The following D2HGDH variants were observed in gnomAD, a reference collection of about 807,000 sequenced individuals.
The protein encoded by D2HGDH is D-2-hydroxyglutarate dehydrogenase, mitochondrial.
A neutral mutation model predicts 46.9 loss-of-function variants in D2HGDH; 31 were observed. That is an observed-to-expected ratio of 0.66 (90% confidence interval 0.50 to 0.89). D2HGDH has a LOEUF of 0.89. Among genes scored for constraint, D2HGDH ranks in the 40% least tolerant of loss-of-function variants. The pLI, the probability that D2HGDH is intolerant of heterozygous loss-of-function variation, is 0.00. For synonymous variants in D2HGDH, 364 were observed against 332.6 expected (o/e 1.09, Z -1.03); for missense variants, 698 against 720.8 (o/e 0.97, Z 0.36).
chr2:241,754,856 G>T (rs1697907516), intron 8 of D2HGDH: 1 of 447,886 alleles, frequency 2.2e-6, no homozygotes, highest in African/African-American at 2.1e-5. Flanking sequence ...TCCTGCCTCA[G>T]CCTCCCAAAG....
chr2:241,755,391 G>C, intron 8 of D2HGDH: 5 of 1,304,852 alleles, frequency 3.8e-6, no homozygotes, highest in Non-Finnish European at 5.1e-6. Flanking sequence ...CCCCACCCTG[G>C]TTCAGGGAGC....
intron 9 of D2HGDH, among the ~76,000 whole-genome samples, chr2:241,760,011 G>A (rs531543093): frequency 6.6e-6 from 1 of 151,124 alleles, no homozygotes; most frequent in East Asian, 2.0e-4. Flanking sequence ...CACAGTGTGG[G>A]TGGGCCTTAC....
chr2:241,734,853 A>AAC (rs78312666), intron 1 of D2HGDH, 158 bp downstream of exon 1: 3 of 216,024 alleles, frequency 1.4e-5, no homozygotes, highest in East Asian at 2.0e-4. Flanking sequence ...GACCGCGTGG[A>AAC]ACACGCGCGC....
Position 241,744,759 on chromosome 2 carries a change from C to T in D2HGDH, c.735C>T (p.Asp245=), listed in dbSNP as rs763133453. The T allele has an allele frequency of 6.2e-7, 1 of 1,614,256 alleles. No individual in the cohort carries two copies. Among genetic ancestry groups the T allele is most frequent in the Non-Finnish European group, 8.5e-7 (1 of 1,180,052 alleles). The change falls in exon 6 of 10, where the codon GAC becomes GAT. Residue 245 remains aspartate (D), a synonymous_variant. Transcript: ENST00000321264. The part of the protein sequence containing the change: ...VLDCLTSLRK[D]NTGYDLKQLF... Reference sequence around the variant, plus strand: ...ACTGCCTGACCTCCCTGAGGAAGGACAACACGGGCTATGACCTGAAGCAGC... The same window carrying T: ...ACTGCCTGACCTCCCTGAGGAAGGATAACACGGGCTATGACCTGAAGCAGC...
At chr2:241,734,861 C>T (rs1559332345) in intron 1 of D2HGDH, 166 bp downstream of exon 1, 2 of 224,794 alleles carry the variant, frequency 8.9e-6, no homozygotes, top group Non-Finnish European at 1.7e-5. Flanking sequence ...GGAACACGCG[C>T]GCGCGTCCGC....
At position 241,751,280 on chromosome 2, in the gene D2HGDH, C is replaced by T. The variant is rs780641366; in HGVS notation, c.1032C>T (p.Gly344=). 6.2e-7 allele frequency: 1 copy of T among 1,614,036 alleles called. No homozygotes were observed. Among genetic ancestry groups the T allele is most frequent in the South Asian group, 1.1e-5 (1 of 91,084 alleles). ...TTTACGTCCTCATCGAGACTTCAGG[C>T]TCCAACGCAGGCCATGACGCTGAGA... ...SPFYVLIETS[G]SNAGHDAEKL... Residue 344 remains glycine, a synonymous_variant, in exon 8 of 10, where the codon GGC becomes GGT. Coordinates refer to ENST00000321264, the MANE Select transcript of D2HGDH (RefSeq NM_152783.5).
chr2:241,763,194 T>C (rs143410548), intron 9 of D2HGDH, among the ~76,000 whole-genome samples: 95 of 152,298 alleles, frequency 6.2e-4, no homozygotes, highest in Non-Finnish European at 1.1e-3. Context: ...TCCTGAGAAA[T>C]GTGTCATTAG....
At chr2:241,740,731 G>T (rs1310713584) in intron 2 of D2HGDH, among the ~76,000 whole-genome samples, 1 of 152,188 alleles carries the variant, frequency 6.6e-6, no homozygotes, top group African/African-American at 2.4e-5. Context: ...CGGATCACGA[G>T]GTCAGGAGTT....
chr2:241,738,433 C>T (rs1053927252), intron 2 of D2HGDH, among the ~76,000 whole-genome samples: 1 of 152,254 alleles, frequency 6.6e-6, no homozygotes, highest in Non-Finnish European at 1.5e-5. Context: ...GGGCAGGAAC[C>T]TAGCGTGAGC....
At chr2:241,751,441 T>G (rs1697184779) in intron 8 of D2HGDH, 53 bp downstream of exon 8, 1 of 1,606,554 alleles carries the variant, frequency 6.2e-7, no homozygotes, top group Non-Finnish European at 8.5e-7. Context: ...CAGTCCAGCC[T>G]TGTCTTGGGA....
intron 2 of D2HGDH, among the ~76,000 whole-genome samples, chr2:241,739,091 G>GCGGC (rs1419348290): frequency 6.6e-6 from 1 of 152,208 alleles, no homozygotes; most frequent in African/African-American, 2.4e-5. Context: ...GTCACCTCTG[G>GCGGC]CGGCCTTGCC....
intron 2 of D2HGDH, among the ~76,000 whole-genome samples, chr2:241,739,425 C>G (rs1351051527): frequency 2.0e-5 from 3 of 152,240 alleles, no homozygotes; most frequent in Admixed American, 2.0e-4. Flanking sequence ...AAGTGTCGGG[C>G]CGAGGCCCAG....
In D2HGDH at chr2:241,768,225, G is replaced by T. The variant is rs1295961695; in HGVS notation, c.*256G>T. ...TCTGCAGCCATCCTGGACAGGCCGGGGTGGCGGCAGCTTTGCCCACGTGGA... is the reference window on the plus strand; with the variant it reads ...TCTGCAGCCATCCTGGACAGGCCGGTGTGGCGGCAGCTTTGCCCACGTGGA... On this transcript the variant is annotated 3_prime_UTR_variant, in exon 10 of 10. Coordinates refer to ENST00000321264, the MANE Select transcript of D2HGDH (RefSeq NM_152783.5). 3.5e-6 allele frequency: 2 copies of T among 570,530 alleles called. No homozygotes were observed. The highest frequency in any genetic ancestry group is 4.7e-4 in the Middle Eastern group (1 of 2,120). The allele number at this position is 570,530 out of a possible 1,614,324, so 35.3% of individuals were successfully genotyped here.
chr2:241,750,983 C>T lies in D2HGDH; in HGVS notation c.998-263C>T, dbSNP rs562789914. 3.0e-4 allele frequency among the ~76,000 whole-genome samples: 46 copies of T among 152,310 alleles called. No individual in the cohort carries two copies. In the South Asian group the frequency reaches 8.5e-3, roughly 28 times the overall value. On this transcript the variant is annotated intron_variant, in intron 7 of 9. Transcript: ENST00000321264. ...GTGTTGTCCAGGCTGGTCTCGAACT[C>T]GTGACCTCAGGTGATCCACCCACCT...
At position 241,742,321 on chromosome 2, in the gene D2HGDH, G is replaced by T. The variant is rs1388491125; in HGVS notation, c.351-114G>T. On this transcript the variant is annotated intron_variant, in intron 3 of 9. Coordinates refer to ENST00000321264, the MANE Select transcript of D2HGDH (RefSeq NM_152783.5). This position sits in a 1 kb window ranked among gnomAD's most constrained non-coding sequence, Gnocchi z 4.8. Reference sequence around the variant, plus strand: ...GGAGGAGCCCCCGCTGAGGCTGCAGGCAGGGCAGGGTAATCAGGATTTGGA... The same window carrying T: ...GGAGGAGCCCCCGCTGAGGCTGCAGTCAGGGCAGGGTAATCAGGATTTGGA... The T allele has an allele frequency of 4.3e-6, 6 of 1,390,810 alleles. No homozygotes were observed. Among genetic ancestry groups the T allele is most frequent in the Non-Finnish European group, 5.8e-6 (6 of 1,027,928 alleles). The allele number at this position is 1,390,810 out of a possible 1,614,324, so 86.2% of individuals were successfully genotyped here. A position where few individuals can be genotyped will look rare whatever the true frequency, so the allele number is the denominator to read the frequency against.
In D2HGDH at chr2:241,768,078, C is replaced by T. The variant is rs952719102; in HGVS notation, c.*109C>T. On this transcript the variant is annotated 3_prime_UTR_variant, in exon 10 of 10. Coordinates refer to ENST00000321264, the MANE Select transcript of D2HGDH (RefSeq NM_152783.5). ...AGCCGGCAGTGGGCAGGGGACCAGG[C>T]ACCTGGTTGAAGGGACTGGGAGCCC... The T allele has an allele frequency of 9.8e-6, 14 of 1,435,416 alleles. No homozygotes were observed. The Admixed American group carries it at 1.1e-4, about 12-fold the overall frequency. 88.9% of individuals were successfully genotyped at this position (1,435,416 alleles called of 1,614,324 possible).
intron 6 of D2HGDH, chr2:241,748,755 G>T: frequency 9.4e-7 from 1 of 1,067,566 alleles, no homozygotes. Context: ...GGCTGGGGCA[G>T]CCTTGACTGC....
intron 8 of D2HGDH, among the ~76,000 whole-genome samples, chr2:241,753,137 G>A (rs983854514): frequency 2.6e-5 from 4 of 152,190 alleles, no homozygotes; most frequent in South Asian, 2.1e-4. Context: ...TTCAGGAGAC[G>A]CCTTGTGTGT....
intron 9 of D2HGDH, among the ~76,000 whole-genome samples, chr2:241,764,973 G>A (rs1220856836): frequency 6.6e-6 from 1 of 152,132 alleles, no homozygotes; most frequent in Non-Finnish European, 1.5e-5. Flanking sequence ...GGGCCAGGGT[G>A]TGCTTGGAGA....
Sources: allele counts gnomAD v4.1 joint callset (sites outside exome capture counted in the v4.1 genomes callset), GRCh38; gene constraint gnomAD v4.1.1; non-coding constraint Gnocchi (gnomAD v3.1); transcripts MANE v1.5; gene names NCBI Gene and HGNC (gene_info 2026-07-23, HGNC 2026-07-21).